The following PLA2G4C variants were observed in gnomAD, a reference collection of about 807,000 sequenced individuals.
PLA2G4C encodes the protein cytosolic phospholipase A2 gamma.
A neutral mutation model predicts 73.8 loss-of-function variants in PLA2G4C; 64 were observed. The observed-to-expected ratio is 0.87, with a 90% CI of 0.71 to 1.07. The LOEUF is 1.07. PLA2G4C is among the 50% of genes least tolerant of loss of function. The probability of loss-of-function intolerance (pLI) is 0.00; values close to 1 mark genes in which losing one functional copy is unlikely to be tolerated. For missense variants in PLA2G4C, 622 were observed against 665.4 expected (o/e 0.93, Z 0.72); for synonymous variants, 254 against 252.1 (o/e 1.01, Z -0.07).
chr19:48,090,603 G>A (rs1447941819), intron 7 of PLA2G4C, 186 bp from the exon 8 acceptor site: 2 of 605,752 alleles, frequency 3.3e-6, no homozygotes, highest in Non-Finnish European at 5.9e-6. Context: ...CTGGCTGTTG[G>A]AATAGAGCAG....
intron 6 of PLA2G4C, 91 bp downstream of exon 6, chr19:48,098,048 C>A: frequency 2.8e-6 from 4 of 1,430,814 alleles, no homozygotes; most frequent in Non-Finnish European, 3.8e-6. Flanking sequence ...TTCCTGGGCT[C>A]CCCAAGGGGA....
At chr19:48,074,319 C>T (rs1033548631) in intron 12 of PLA2G4C, 1 of 166,884 alleles carries the variant, frequency 6.0e-6, no homozygotes, top group Non-Finnish European at 1.3e-5. Flanking sequence ...TGATCTTGTT[C>T]CTTTTTCTGG....
intron 10 of PLA2G4C, among the ~76,000 whole-genome samples, chr19:48,081,162 CA>C (rs35474088): frequency 7.7e-4 from 102 of 132,590 alleles, no homozygotes; most frequent in East Asian, 1.4e-3. Flanking sequence ...GAGACTGTCT[CA>C]AAAAAAAAAA....
At chr19:48,073,212 A>G (rs1371152549) in intron 12 of PLA2G4C, among the ~76,000 whole-genome samples, 1 of 151,642 alleles carries the variant, frequency 6.6e-6, no homozygotes, top group Non-Finnish European at 1.5e-5. Context: ...TGTCCAGCTA[A>G]TTTTTTACAA....
At chr19:48,063,335 C>T (rs1033299704) in intron 13 of PLA2G4C, among the ~76,000 whole-genome samples, 14 of 152,254 alleles carry the variant, frequency 9.2e-5, no homozygotes, top group Admixed American at 5.2e-4. Context: ...AGCCACGGGC[C>T]GGCCAACATT....
chr19:48,084,041 TG>T (rs2030822459), intron 10 of PLA2G4C, among the ~76,000 whole-genome samples: 1 of 10,550 alleles, frequency 9.5e-5, no homozygotes, highest in Non-Finnish European at 1.8e-4. Flanking sequence ...ATGCCAATTT[TG>T]TGTGTGTGTG....
chr19:48,099,857 T>C lies in PLA2G4C; in HGVS notation c.261A>G (p.Ala87=), dbSNP rs1275781385. The change falls in exon 5 of 17, where the codon GCA becomes GCG. Residue 87 remains alanine (A), a synonymous_variant. Transcript: ENST00000599921. ...CATCATTGGTGTAGAGAGAAGATAT[T>C]GCCCTGGAGGACAGAGGAAGAGAGT... is the stretch of plus-strand genomic sequence containing the variant. The part of the protein sequence containing the change: ...YLAGVSGSTW[A]ISSLYTNDGD... The C allele has an allele frequency of 3.7e-6, 6 of 1,610,256 alleles. No homozygotes were observed. In the East Asian group the frequency reaches 1.3e-4, roughly 36 times the overall value.
rs369871872 is a variant in PLA2G4C, at chr19:48,076,778, A to G, written c.898+993T>C. On this transcript the variant is annotated intron_variant, in intron 11 of 16. Coordinates refer to ENST00000599921, the MANE Select transcript of PLA2G4C (RefSeq NM_003706.3). The stretch of plus-strand genomic sequence containing the variant: ...AAAGAAAAAAGAAAAGGAAAGGAAA[A>G]AAAAGACGCAAACAGCTTGGATGCC... Among the ~76,000 whole-genome samples, 34 of 152,178 alleles carry G rather than the reference A, an allele frequency of 2.2e-4. No individual in the cohort carries two copies. In the East Asian group the frequency reaches 6.2e-3, roughly 28 times the overall value.
intron 12 of PLA2G4C, among the ~76,000 whole-genome samples, chr19:48,070,801 T>A (rs1968627132): frequency 1.3e-5 from 2 of 152,132 alleles, no homozygotes; most frequent in Admixed American, 1.3e-4. Context: ...GGGCTTAATA[T>A]CTAGGTGATG....
Position 48,102,730 on chromosome 19 carries a change from T to G in PLA2G4C, c.257+1858A>C, listed in dbSNP as rs1286460282. The stretch of plus-strand genomic sequence containing the variant: ...TGATGAGGCCTTTCTCCCATCGTGC[T>G]CTCATTTTCCTGCCTGTGAAATGGA... On this transcript the variant is annotated intron_variant, in intron 4 of 16. Transcript: ENST00000599921. Among the ~76,000 whole-genome samples the G allele has an allele frequency of 2.0e-5, 3 of 152,302 alleles. No homozygotes were observed. The East Asian group carries it at 5.8e-4, about 29-fold the overall frequency.
At chr19:48,053,253 A>G in intron 15 of PLA2G4C, 106 bp from the exon 16 acceptor site, 1 of 737,902 alleles carries the variant, frequency 1.4e-6, no homozygotes, top group Non-Finnish European at 2.1e-6. Context: ...ACAGTTGTGG[A>G]CCAAATCCAG....
At chr19:48,066,221 C>T (rs1044732568) in intron 13 of PLA2G4C, among the ~76,000 whole-genome samples, 1 of 152,064 alleles carries the variant, frequency 6.6e-6, no homozygotes, top group Non-Finnish European at 1.5e-5. Context: ...TTCAGGTTAA[C>T]TTTGGAGTGC....
At chr19:48,074,952 A>C in intron 11 of PLA2G4C, 78 bp from the exon 12 acceptor site, 1 of 890,430 alleles carries the variant, frequency 1.1e-6, no homozygotes, top group Non-Finnish European at 1.8e-6. Context: ...GCTCTGCCTC[A>C]TCTTCTGCAA....
At chr19:48,093,549 C>T (rs1183602553) in intron 7 of PLA2G4C, among the ~76,000 whole-genome samples, 2 of 152,148 alleles carry the variant, frequency 1.3e-5, no homozygotes, top group African/African-American at 2.4e-5. Context: ...GCTCTCCTAT[C>T]GCACTTGGAA....
At chr19:48,082,347 T>C (rs2030630866) in intron 10 of PLA2G4C, among the ~76,000 whole-genome samples, 1 of 152,032 alleles carries the variant, frequency 6.6e-6, no homozygotes, top group African/African-American at 2.4e-5. Flanking sequence ...AAATCAAAAT[T>C]CAATTTTTCC....
intron 16 of PLA2G4C, chr19:48,051,780 G>A (rs928132742): frequency 6.6e-5 from 10 of 151,778 alleles, no homozygotes; most frequent in Middle Eastern, 3.2e-3. Flanking sequence ...TAAGTTACCT[G>A]TGGAGATATC....
At chr19:48,103,369 A>G (rs753544317) in intron 4 of PLA2G4C, 2 of 152,270 alleles carry the variant, frequency 1.3e-5, no homozygotes, top group Non-Finnish European at 2.9e-5. Flanking sequence ...CCCACTCCCA[A>G]GCTCTGCAGC....
intron 14 of PLA2G4C, among the ~76,000 whole-genome samples, chr19:48,059,322 G>C (rs1173869989): frequency 6.6e-6 from 1 of 151,954 alleles, no homozygotes; most frequent in Admixed American, 6.6e-5. Context: ...CAATTTGTAG[G>C]AAAAAGTTTC....
chr19:48,110,613 G>A lies in PLA2G4C; in HGVS notation c.-159C>T. On this transcript the variant is annotated 5_prime_UTR_variant, in exon 1 of 17. Transcript: ENST00000599921. ...GACAGCTCCTTCAGCCGGAATCTCC[G>A]CGGGTGAAGACTGCGGGGATCCTCG... 1 of 786,234 alleles carries A rather than the reference G, an allele frequency of 1.3e-6. No homozygotes were observed. Among genetic ancestry groups the A allele is most frequent in the Middle Eastern group, 3.8e-4 (1 of 2,610 alleles). 48.7% of individuals were successfully genotyped at this position (786,234 alleles called of 1,614,324 possible).
Sources: gnomAD v4.1 joint callset for allele counts (sites outside exome capture counted in the v4.1 genomes callset) on GRCh38, gnomAD v4.1.1 for gene constraint, MANE v1.5 for transcripts, NCBI Gene and HGNC (gene_info 2026-07-23, HGNC 2026-07-21) for gene names.